Variants in VASH1 observed in about 807,000 individuals in gnomAD.
The protein encoded by VASH1 is tubulinyl-Tyr carboxypeptidase 1.
VASH1 carries 16 observed loss-of-function variants against 35.0 expected under a neutral mutation model. The ratio of observed to expected loss-of-function variants is 0.46; its 90% CI spans 0.31 to 0.70. The LOEUF is 0.70. VASH1 is among the 30% of genes least tolerant of loss of function. The pLI, the probability that VASH1 is intolerant of heterozygous loss-of-function variation, is 0.05. For missense variants in VASH1, 505 were observed against 510.7 expected (o/e 0.99, Z 0.11); for synonymous variants, 214 against 200.9 (o/e 1.07, Z -0.55).
intron 1 of VASH1, among the ~76,000 whole-genome samples, chr14:76,763,588 C>T (rs2140171245): frequency 6.6e-6 from 1 of 152,278 alleles, no homozygotes; most frequent in Admixed American, 6.5e-5. Context: ...TTTGGATTCC[C>T]ATTTTACAGA....
intron 1 of VASH1, among the ~76,000 whole-genome samples, chr14:76,765,014 T>C (rs545309146): frequency 6.6e-6 from 1 of 152,132 alleles, no homozygotes; most frequent in African/African-American, 2.4e-5. Flanking sequence ...CCTTTACTTA[T>C]GTGCTTTATC....
At chr14:76,763,568 G>A (rs775781176) in intron 1 of VASH1, among the ~76,000 whole-genome samples, 1 of 152,144 alleles carries the variant, frequency 6.6e-6, no homozygotes, top group Non-Finnish European at 1.5e-5. Context: ...GCCTTGTGAC[G>A]TAAGTACAGT....
At chr14:76,769,189 A>G (rs749911601) in intron 1 of VASH1, 4 of 862,816 alleles carry the variant, frequency 4.6e-6, no homozygotes, top group Non-Finnish European at 5.6e-6. Context: ...GCATCGGGAA[A>G]CACTGCCTGT....
intron 4 of VASH1, 110 bp from the exon 5 acceptor site, chr14:76,775,782 T>C (rs1012955405): frequency 2.8e-6 from 4 of 1,426,382 alleles, no homozygotes; most frequent in Non-Finnish European, 3.7e-6. Flanking sequence ...GACTGGTGTC[T>C]GCACCCCAAG....
rs1172922470 is a variant in VASH1 at position 76,781,803 on chromosome 14, G to A, written c.*2785G>A. 1 of 152,974 alleles carries A rather than the reference G, an allele frequency of 6.5e-6. No individual in the cohort carries two copies. The highest frequency in any genetic ancestry group is 1.5e-5 in the Non-Finnish European group (1 of 68,352). The allele number at this position is 152,974 out of a possible 1,614,324, so 9.5% of individuals were successfully genotyped here. A position where few individuals can be genotyped will look rare whatever the true frequency, so the allele number is the denominator to read the frequency against. On this transcript the variant is annotated 3_prime_UTR_variant, in exon 7 of 7. Coordinates refer to ENST00000167106, the MANE Select transcript of VASH1 (RefSeq NM_014909.5). ...CAACCCCTCCTCCCCTCCTGGGCATGTTTACACAGGCTCTGCTCTGGGGGC... is the reference window on the plus strand; with the variant it reads ...CAACCCCTCCTCCCCTCCTGGGCATATTTACACAGGCTCTGCTCTGGGGGC...
In VASH1 at chr14:76,761,954, G is replaced by A. The variant is rs1893515211; in HGVS notation, c.-868G>A. Among the ~76,000 whole-genome samples, 1 of 151,822 alleles carries A rather than the reference G, an allele frequency of 6.6e-6. No homozygotes were observed. The highest frequency in any genetic ancestry group is 2.4e-5 in the African/African-American group (1 of 41,380). ...CGGGCCCCGTGCCCTGCGATGGCTCGGCTGGTGCAGCGCGGCGCCAGGTGC... is the reference window on the plus strand; with the variant it reads ...CGGGCCCCGTGCCCTGCGATGGCTCAGCTGGTGCAGCGCGGCGCCAGGTGC... On this transcript the variant is annotated 5_prime_UTR_variant, in exon 1 of 7. Transcript: ENST00000167106.
intron 1 of VASH1, among the ~76,000 whole-genome samples, chr14:76,765,437 C>T (rs935076341): frequency 1.3e-5 from 2 of 152,192 alleles, no homozygotes; most frequent in African/African-American, 2.4e-5. Flanking sequence ...TGAGGTCCCT[C>T]CTCTACCTGG....
Position 76,763,446 on chromosome 14 carries a change from T to C in VASH1, c.309+316T>C, listed in dbSNP as rs572492523. Among the ~76,000 whole-genome samples, 44 of 152,310 alleles carry C rather than the reference T, an allele frequency of 2.9e-4. 1 individual carries two copies. The South Asian group carries it at 7.0e-3, about 24-fold the overall frequency. ...GACGTCTCATTTGCTTGATGACACT[T>C]GCCAAGCCAGAGAACTGTGAGCAGA... is the stretch of plus-strand genomic sequence containing the variant. On this transcript the variant is annotated intron_variant, in intron 1 of 6. Transcript: ENST00000167106.
At position 76,779,028 on chromosome 14, in the gene VASH1, C is replaced by T; in HGVS notation, c.*10C>T. 2 of 1,613,784 alleles carry T rather than the reference C, an allele frequency of 1.2e-6. No individual in the cohort carries two copies. Among genetic ancestry groups the T allele is most frequent in the Non-Finnish European group, 1.7e-6 (2 of 1,180,000 alleles). ...CCAGATCCGGGTCTGAGGCGGATGC[C>T]AGCACCCCAGGCCCCACCCACTCTT... On this transcript the variant is annotated 3_prime_UTR_variant, in exon 7 of 7. Transcript: ENST00000167106.
rs1340098623 is a variant in VASH1, at chr14:76,778,938, T to A, written c.1026-8T>A. 3.7e-6 allele frequency: 6 copies of A among 1,613,932 alleles called. No individual in the cohort carries two copies. Among genetic ancestry groups the A allele is most frequent in the Non-Finnish European group, 4.2e-6 (5 of 1,179,954 alleles). ...CTCTCCTCCCGCTCTGCTCTCTTCC[T>A]CCCACAGGCCCTCGGGTGACAAGAA... On this transcript the variant is annotated splice_region_variant and splice_polypyrimidine_tract_variant and intron_variant, in intron 6 of 6. Coordinates refer to ENST00000167106, the MANE Select transcript of VASH1 (RefSeq NM_014909.5).
In VASH1 at chr14:76,773,163, C is replaced by G. The variant is rs755049036; in HGVS notation, c.482C>G (p.Thr161Ser). ...CTGATGGACCTGGCCAAGGAAATGA[C>G]CAAAGAGGCCCTGCCAATCAAATGC... ...TGLMDLAKEM[T>S]KEALPIKCLE... The change falls in exon 4 of 7, where the codon ACC (threonine) becomes AGC (serine). Residue 161 changes from threonine to serine, a missense_variant. By Grantham distance (58) the Thr-to-Ser change is moderately conservative. Transcript: ENST00000167106. The G allele has an allele frequency of 6.2e-7, 1 of 1,614,040 alleles. No homozygotes were observed. Among genetic ancestry groups the G allele is most frequent in the Non-Finnish European group, 8.5e-7 (1 of 1,179,968 alleles).
In VASH1 at chr14:76,779,128, G is replaced by C. The variant is rs999349136; in HGVS notation, c.*110G>C. On this transcript the variant is annotated 3_prime_UTR_variant, in exon 7 of 7. Coordinates refer to ENST00000167106, the MANE Select transcript of VASH1 (RefSeq NM_014909.5). ...GGGCTGGTGACAAGGCAGGGCAAGA[G>C]GCTGCAGGAAGAGTGTGTTCCAGCT... 1 of 1,222,668 alleles carries C rather than the reference G, an allele frequency of 8.2e-7. No individual in the cohort carries two copies. Among genetic ancestry groups the C allele is most frequent in the Non-Finnish European group, 1.2e-6 (1 of 838,788 alleles). The allele number at this position is 1,222,668 out of a possible 1,614,324, so 75.7% of individuals were successfully genotyped here.
At chr14:76,769,735 T>G in intron 1 of VASH1, 1 of 589,342 alleles carries the variant, frequency 1.7e-6, no homozygotes, top group Non-Finnish European at 3.0e-6. Context: ...GCATACACTC[T>G]GAATGAGGAA....
Position 76,778,899 on chromosome 14 carries a change from TAACA to T in VASH1, c.1026-46_1026-43del, listed in dbSNP as rs750691081. ...TGCTGGCTCCCCAACTCCATCTCCC[TAACA>T]GACCACTCACTCTCCTCCCGCTCTG... On this transcript the variant is annotated intron_variant, in intron 6 of 6. Transcript: ENST00000167106. 1.9e-6 allele frequency: 3 copies of T among 1,596,120 alleles called. No individual in the cohort carries two copies. In the South Asian group the frequency reaches 3.3e-5, roughly 18 times the overall value.
In VASH1 at chr14:76,776,026, G is replaced by T; in HGVS notation, c.665G>T (p.Arg222Leu). Residue 222 changes from arginine to leucine, a missense_variant, in exon 5 of 7, where the codon CGG (arginine) becomes CTG (leucine). Arg to Leu is a moderately radical substitution (Grantham distance 102). Coordinates refer to ENST00000167106, the MANE Select transcript of VASH1 (RefSeq NM_014909.5). The part of the protein sequence containing the change: ...AGRYGALGMS[R>L]REDLMYKPPA... ...CGCTACGGTGCGCTGGGCATGAGTC[G>T]GCGCGAGGACCTGATGTACAAGCCG... 1 of 1,612,380 alleles carries T rather than the reference G, an allele frequency of 6.2e-7. No individual in the cohort carries two copies. Among genetic ancestry groups the T allele is most frequent in the Non-Finnish European group, 8.5e-7 (1 of 1,179,796 alleles).
intron 1 of VASH1, among the ~76,000 whole-genome samples, chr14:76,765,519 G>A (rs1039638371): frequency 6.3e-4 from 96 of 152,290 alleles, no homozygotes; most frequent in African/African-American, 2.1e-3. Flanking sequence ...GAGAAGCAGC[G>A]TGGGTTGGGT....
chr14:76,777,500 T>G (rs1381064023), intron 5 of VASH1, among the ~76,000 whole-genome samples: 2 of 152,224 alleles, frequency 1.3e-5, no homozygotes, highest in Non-Finnish European at 2.9e-5. Flanking sequence ...AAGCTGACGG[T>G]GCCATATAAA....
At chr14:76,773,475 G>C (rs1423155739) in intron 4 of VASH1, 1 of 508,184 alleles carries the variant, frequency 2.0e-6, no homozygotes. Context: ...GTGGATACAG[G>C]GACCGTTTTC....
chr14:76,764,983 C>T (rs182753804), intron 1 of VASH1, among the ~76,000 whole-genome samples: 23 of 152,248 alleles, frequency 1.5e-4, no homozygotes, highest in Admixed American at 4.6e-4. Flanking sequence ...TGAACCACCA[C>T]GCCCGGCCAG....
Sources: allele counts gnomAD v4.1 joint callset (sites outside exome capture counted in the v4.1 genomes callset), GRCh38; gene constraint gnomAD v4.1.1; transcripts MANE v1.5; gene names NCBI Gene and HGNC (gene_info 2026-07-23, HGNC 2026-07-21).